GPC5: variants seen among roughly 807,000 people sequenced by gnomAD.
GPC5 encodes glypican-5.
In GPC5, 47 loss-of-function variants were observed where a neutral mutation model predicts 53.9. The ratio of observed to expected loss-of-function variants is 0.87; its 90% confidence interval spans 0.69 to 1.11. The LOEUF (loss-of-function observed/expected upper bound fraction) is 1.11, where lower values mean the gene tolerates loss of function less well. Among genes scored for constraint, GPC5 ranks in the 50% most tolerant of loss-of-function variants. The pLI, the probability that GPC5 is intolerant of heterozygous loss-of-function variation, is 0.00. For missense variants in GPC5, 748 were observed against 713.1 expected (o/e 1.05, Z -0.56); for synonymous variants, 286 against 263.3 (o/e 1.09, Z -0.84).
At chr13:92,009,778 C>T (rs576989008) in intron 6 of GPC5, among the ~76,000 whole-genome samples, 4 of 152,292 alleles carry the variant, frequency 2.6e-5, no homozygotes, top group South Asian at 2.1e-4. Flanking sequence ...CTTGAAGGTT[C>T]CTCCTGGCAG....
At chr13:91,897,146 G>A (rs946203119) in intron 5 of GPC5, among the ~76,000 whole-genome samples, 1 of 151,990 alleles carries the variant, frequency 6.6e-6, no homozygotes, top group Non-Finnish European at 1.5e-5. Flanking sequence ...AGGACTTTAA[G>A]TTGGAATAGA....
chr13:92,426,080 C>A (rs1341515085), intron 7 of GPC5, among the ~76,000 whole-genome samples: 2 of 151,988 alleles, frequency 1.3e-5, no homozygotes, highest in Non-Finnish European at 2.9e-5. Flanking sequence ...TCTGAGATTC[C>A]AGATTTAGAA....
At chr13:92,204,714 A>G (rs2042320349) in intron 7 of GPC5, among the ~76,000 whole-genome samples, 1 of 152,184 alleles carries the variant, frequency 6.6e-6, no homozygotes, top group Admixed American at 6.5e-5. Flanking sequence ...GAAGAAACAC[A>G]TAGGGCAGAG....
At chr13:92,394,275 G>T (rs1875157437) in intron 7 of GPC5, among the ~76,000 whole-genome samples, 1 of 152,132 alleles carries the variant, frequency 6.6e-6, no homozygotes, top group Non-Finnish European at 1.5e-5. Context: ...TATTTTGTGT[G>T]TGTGTACGTA....
At position 91,846,386 on chromosome 13, in the gene GPC5, G is replaced by A. The variant is rs527605495; in HGVS notation, c.1281-61551G>A. Among the ~76,000 whole-genome samples the A allele has an allele frequency of 8.2e-4, 124 of 151,990 alleles. 2 individuals carry two copies. Among genetic ancestry groups the A allele is most frequent in the African/African-American group, 2.7e-3 (113 of 41,478 alleles). ...CTGATTCTGCCAGCGTAACAATTTT[G>A]AGTTGTACATAAGGGTTTTATTGAA... On this transcript the variant is annotated intron_variant, in intron 5 of 7. Coordinates refer to ENST00000377067, the MANE Select transcript of GPC5 (RefSeq NM_004466.6).
chr13:91,650,221 T>C (rs1199144959), intron 2 of GPC5, among the ~76,000 whole-genome samples: 4 of 152,176 alleles, frequency 2.6e-5, no homozygotes, highest in Non-Finnish European at 5.9e-5. Flanking sequence ...GAAGATATAG[T>C]ACTAATATAT....
chr13:92,004,905 C>G (rs563022098), intron 6 of GPC5, among the ~76,000 whole-genome samples: 2 of 152,132 alleles, frequency 1.3e-5, no homozygotes, highest in African/African-American at 4.8e-5. Context: ...TCCCATAACA[C>G]GTGAGAATTA....
At chr13:92,413,153 G>A (rs1409084173) in intron 7 of GPC5, among the ~76,000 whole-genome samples, 1 of 152,130 alleles carries the variant, frequency 6.6e-6, no homozygotes, top group Non-Finnish European at 1.5e-5. Flanking sequence ...AGCAAACCTG[G>A]TGGGTGGTTG....
At chr13:91,836,276 C>T (rs1460222935) in intron 5 of GPC5, among the ~76,000 whole-genome samples, 1 of 151,686 alleles carries the variant, frequency 6.6e-6, no homozygotes, top group East Asian at 1.9e-4. Flanking sequence ...TACTTTTGAC[C>T]TCCATTCCTT....
chr13:91,917,288 T>C (rs1169245109), intron 6 of GPC5, among the ~76,000 whole-genome samples: 1 of 152,186 alleles, frequency 6.6e-6, no homozygotes, highest in Non-Finnish European at 1.5e-5. Context: ...CCCAATGATC[T>C]CCTTTGGCAC....
intron 6 of GPC5, among the ~76,000 whole-genome samples, chr13:92,037,854 T>G (rs1268890037): frequency 6.6e-6 from 1 of 152,144 alleles, no homozygotes; most frequent in African/African-American, 2.4e-5. Flanking sequence ...TTGAAAAACT[T>G]TGGATTTTAC....
chr13:92,325,270 A>C (rs543796341), intron 7 of GPC5, among the ~76,000 whole-genome samples: 1 of 152,170 alleles, frequency 6.6e-6, no homozygotes, highest in South Asian at 2.1e-4. Context: ...GGATCAGAGG[A>C]AAGTGAAGGG....
At chr13:91,428,816 T>C (rs980849422) in intron 1 of GPC5, among the ~76,000 whole-genome samples, 1 of 152,162 alleles carries the variant, frequency 6.6e-6, no homozygotes, top group African/African-American at 2.4e-5. Context: ...CTAGGGACAT[T>C]TTTTGTATAG....
chr13:92,229,076 T>C (rs2042510535), intron 7 of GPC5, among the ~76,000 whole-genome samples: 2 of 152,134 alleles, frequency 1.3e-5, no homozygotes, highest in African/African-American at 4.8e-5. Context: ...GAGCAGTATG[T>C]ACATAGTTGT....
chr13:91,840,463 A>G (rs917733922), intron 5 of GPC5, among the ~76,000 whole-genome samples: 11 of 152,066 alleles, frequency 7.2e-5, no homozygotes, highest in African/African-American at 2.7e-4. Context: ...AACTGTATTA[A>G]CGGTTTGAGG....
At chr13:92,756,460 A>G (rs992158967) in intron 7 of GPC5, among the ~76,000 whole-genome samples, 27 of 152,082 alleles carry the variant, frequency 1.8e-4, no homozygotes, top group Admixed American at 1.6e-3. Context: ...TATTCAACAT[A>G]GTGTTGGAAG....
intron 7 of GPC5, among the ~76,000 whole-genome samples, chr13:92,466,212 A>G (rs567950059): frequency 6.6e-6 from 1 of 152,030 alleles, no homozygotes; most frequent in Non-Finnish European, 1.5e-5. Flanking sequence ...TAGTAATAGT[A>G]GTAGTATTTT....
chr13:91,566,101 CT>C (rs1013290779), intron 2 of GPC5, among the ~76,000 whole-genome samples: 42 of 152,192 alleles, frequency 2.8e-4, no homozygotes, highest in Non-Finnish European at 4.9e-4. Context: ...GTGCAAAGAC[CT>C]TTTTCCCACA....
At chr13:92,260,228 C>T (rs1034497970) in intron 7 of GPC5, among the ~76,000 whole-genome samples, 1 of 152,150 alleles carries the variant, frequency 6.6e-6, no homozygotes, top group African/African-American at 2.4e-5. Context: ...AGCAGCTCCT[C>T]ACAGAAACTG....
Sources: gnomAD v4.1 joint callset for allele counts (sites outside exome capture counted in the v4.1 genomes callset) on GRCh38, gnomAD v4.1.1 for gene constraint, MANE v1.5 for transcripts, NCBI Gene and HGNC (gene_info 2026-07-23, HGNC 2026-07-21) for gene names.